MAPKAP1: variants seen among roughly 807,000 people sequenced by gnomAD.
The protein encoded by MAPKAP1 is target of rapamycin complex 2 subunit MAPKAP1.
A neutral mutation model predicts 65.7 loss-of-function variants in MAPKAP1; 20 were observed. The observed-to-expected ratio is 0.30, with a 90% confidence interval of 0.21 to 0.44. The LOEUF (loss-of-function observed/expected upper bound fraction) is 0.44, where lower values mean the gene tolerates loss of function less well. Among genes scored for constraint, MAPKAP1 ranks in the 20% least tolerant of loss-of-function variants. The pLI is 1.00. For synonymous variants in MAPKAP1, 222 were observed against 244.3 expected, an observed-to-expected ratio of 0.91 and a Z score of 0.85; for missense variants, 423 against 648.0, an observed-to-expected ratio of 0.65 and a Z score of 3.77.
intron 1 of MAPKAP1, among the ~76,000 whole-genome samples, chr9:125,675,609 C>T (rs1195086295): frequency 6.6e-6 from 1 of 152,158 alleles, no homozygotes; most frequent in Admixed American, 6.5e-5. Flanking sequence ...CACAGGACTG[C>T]CCCAGAAAAC....
chr9:125,481,547 T>C (rs57440458), intron 9 of MAPKAP1, among the ~76,000 whole-genome samples: 1 of 151,996 alleles, frequency 6.6e-6, no homozygotes, highest in Admixed American at 6.5e-5. Context: ...CGCAGCCTCC[T>C]GAGTAGCTGG....
In MAPKAP1 at chr9:125,599,268, C is replaced by G. The variant is rs890021284; in HGVS notation, c.499-13541G>C. ...TTGTCTTACAACCTCTCTTGAACAC[C>G]TTCACTGATGATGTCCCTGTCACCA... On this transcript the variant is annotated intron_variant, in intron 4 of 11. Transcript: ENST00000265960. Among the ~76,000 whole-genome samples, 4 of 152,272 alleles carry G rather than the reference C, an allele frequency of 2.6e-5. No homozygotes were observed. In the East Asian group the frequency reaches 7.7e-4, roughly 29 times the overall value.
intron 3 of MAPKAP1, among the ~76,000 whole-genome samples, chr9:125,667,054 G>A (rs1466555215): frequency 1.3e-5 from 2 of 152,210 alleles, no homozygotes; most frequent in Non-Finnish European, 2.9e-5. Flanking sequence ...AGAAAAGAGA[G>A]AGAAGGAAAC....
intron 4 of MAPKAP1, chr9:125,596,451 T>A (rs1168850636): frequency 9.2e-6 from 7 of 762,704 alleles, no homozygotes; most frequent in Non-Finnish European, 1.7e-5. Flanking sequence ...GCTACAATGA[T>A]TCTGGCAATT....
chr9:125,645,736 CAA>C (rs1044199278), intron 4 of MAPKAP1, among the ~76,000 whole-genome samples: 18 of 54,054 alleles, frequency 3.3e-4, no homozygotes, highest in African/African-American at 4.9e-4. Flanking sequence ...GACTCTGTCT[CAA>C]AAAAAAAAAA....
chr9:125,451,583 A>G (rs1852951162), intron 10 of MAPKAP1, among the ~76,000 whole-genome samples: 1 of 152,156 alleles, frequency 6.6e-6, no homozygotes, highest in Non-Finnish European at 1.5e-5. Context: ...TGTCCAGAAC[A>G]GACATCAGCA....
chr9:125,672,616 C>G lies in MAPKAP1; in HGVS notation c.-42G>C. On this transcript the variant is annotated 5_prime_UTR_variant, in exon 2 of 12. Coordinates refer to ENST00000265960, the MANE Select transcript of MAPKAP1 (RefSeq NM_001006617.3). ...TTTCCTTAAAAGGCTATTTTCTCCTCTTCATATTGTTTCACGAGCTCACCT... is the reference window on the plus strand; with the variant it reads ...TTTCCTTAAAAGGCTATTTTCTCCTGTTCATATTGTTTCACGAGCTCACCT... 1 of 1,602,726 alleles carries G rather than the reference C, an allele frequency of 6.2e-7. No homozygotes were observed. Among genetic ancestry groups the G allele is most frequent in the Non-Finnish European group, 8.5e-7 (1 of 1,172,508 alleles).
chr9:125,502,855 G>T (rs1252731541), intron 8 of MAPKAP1, among the ~76,000 whole-genome samples: 1 of 152,140 alleles, frequency 6.6e-6, no homozygotes, highest in African/African-American at 2.4e-5. Flanking sequence ...AAATGTATTT[G>T]CTGTTTCAAT....
At chr9:125,538,774 C>T (rs1039738799) in intron 7 of MAPKAP1, among the ~76,000 whole-genome samples, 1 of 152,128 alleles carries the variant, frequency 6.6e-6, no homozygotes, top group Non-Finnish European at 1.5e-5. Flanking sequence ...CCCTCTCAGC[C>T]TCTTATGTAT....
At chr9:125,529,511 A>G (rs1021112318) in intron 7 of MAPKAP1, among the ~76,000 whole-genome samples, 47 of 152,266 alleles carry the variant, frequency 3.1e-4, no homozygotes, top group African/African-American at 9.6e-4. Flanking sequence ...GCCAAAAAAA[A>G]AAAAGAAAAG....
intron 4 of MAPKAP1, chr9:125,596,122 T>C: frequency 3.7e-6 from 3 of 807,772 alleles, no homozygotes; most frequent in Non-Finnish European, 6.5e-6. Flanking sequence ...TTTGTAACCT[T>C]TGATGGCCAC....
chr9:125,634,385 C>T (rs1833368226), intron 4 of MAPKAP1, among the ~76,000 whole-genome samples: 1 of 152,214 alleles, frequency 6.6e-6, no homozygotes, highest in Non-Finnish European at 1.5e-5. Context: ...CCACAACCTC[C>T]TCCTAAACAA....
At chr9:125,639,930 T>C (rs1443540646) in intron 4 of MAPKAP1, among the ~76,000 whole-genome samples, 2 of 152,106 alleles carry the variant, frequency 1.3e-5, no homozygotes, top group Non-Finnish European at 2.9e-5. Flanking sequence ...GACAGGCGCA[T>C]GGGGGCAGAA....
chr9:125,577,945 T>C (rs1034345463), intron 5 of MAPKAP1, among the ~76,000 whole-genome samples: 12 of 151,448 alleles, frequency 7.9e-5, no homozygotes, highest in African/African-American at 2.2e-4. Context: ...CAACAGCTCA[T>C]TGAGAACAGG....
At chr9:125,553,039 TTA>T (rs1343785451) in intron 6 of MAPKAP1, among the ~76,000 whole-genome samples, 1 of 152,184 alleles carries the variant, frequency 6.6e-6, no homozygotes, top group African/African-American at 2.4e-5. Flanking sequence ...AAAAGCAAAA[TTA>T]TATGTGTCAC....
chr9:125,667,185 T>C (rs566885502), intron 3 of MAPKAP1, among the ~76,000 whole-genome samples: 4 of 152,326 alleles, frequency 2.6e-5, no homozygotes, highest in African/African-American at 9.6e-5. Flanking sequence ...AAAATTAAAG[T>C]AGATTAGACT....
At chr9:125,690,942 A>T (rs1835147919) in intron 1 of MAPKAP1, among the ~76,000 whole-genome samples, 2 of 152,214 alleles carry the variant, frequency 1.3e-5, no homozygotes, top group Non-Finnish European at 2.9e-5. Context: ...GAATTCAAGA[A>T]ACAGTCACAA....
chr9:125,448,367 T>A (rs1852800186), intron 10 of MAPKAP1, among the ~76,000 whole-genome samples: 1 of 152,230 alleles, frequency 6.6e-6, no homozygotes, highest in South Asian at 2.1e-4. Flanking sequence ...AATGAATCTG[T>A]CAATAAACAT....
intron 4 of MAPKAP1, among the ~76,000 whole-genome samples, chr9:125,641,631 T>A (rs1020383316): frequency 2.6e-5 from 4 of 152,164 alleles, no homozygotes; most frequent in Non-Finnish European, 5.9e-5. Context: ...AATATGCAGG[T>A]GCAGCAGCTC....
Sources: gnomAD v4.1 joint callset for allele counts (sites outside exome capture counted in the v4.1 genomes callset) on GRCh38, gnomAD v4.1.1 for gene constraint, MANE v1.5 for transcripts, NCBI Gene and HGNC (gene_info 2026-07-23, HGNC 2026-07-21) for gene names.